FLT4: variants seen among roughly 807,000 people sequenced by gnomAD.
The protein encoded by FLT4 is fms related receptor tyrosine kinase 4, also known as vascular endothelial growth factor receptor 3.
Under a neutral mutation model 163.2 loss-of-function variants are expected in FLT4, and 30 were observed. That is an observed-to-expected ratio of 0.18 (90% CI 0.14 to 0.25). FLT4 has a LOEUF of 0.25. Among genes scored for constraint, FLT4 ranks in the 10% least tolerant of loss-of-function variants. The pLI is 1.00. For missense variants in FLT4, 1,510 were observed against 1,863.8 expected (o/e 0.81, Z 3.50); for synonymous variants, 884 against 789.5 (o/e 1.12, Z -2.01).
intron 1 of FLT4, among the ~76,000 whole-genome samples, chr5:180,632,681 TGTGA>T (rs1482105126): frequency 6.6e-6 from 1 of 152,084 alleles, no homozygotes; most frequent in Non-Finnish European, 1.5e-5. Flanking sequence ...GGCCTGGGTG[TGTGA>T]GTCTGTGTGT....
Position 180,629,904 on chromosome 5 carries a change from GACAGCCCCGTTACTGGGAACGGGGC to G in FLT4, c.676+14_676+38del, listed in dbSNP as rs761831222. The G allele has an allele frequency of 1.1e-5, 17 of 1,612,540 alleles. No homozygotes were observed. In the African/African-American group the frequency reaches 1.1e-4, roughly 10 times the overall value. ...CACCCACTGAGGCCAGTGAGGCAGT[GACAGCCCCGTTACTGGGAACGGGGC>G]ACAGCCCTGTTACCTGTGATGTGCA... On this transcript the variant is annotated intron_variant, in intron 5 of 29. Transcript: ENST00000261937.
rs775233990 is a variant in FLT4 at position 180,619,714 on chromosome 5, G to A, written c.2598C>T (p.Gly866=). 6.2e-6 allele frequency: 10 copies of A among 1,612,600 alleles called. No homozygotes were observed. Among genetic ancestry groups the A allele is most frequent in the Admixed American group, 5.0e-5 (3 of 60,010 alleles). The change falls in exon 18 of 30, where the codon GGC becomes GGT. Residue 866 remains glycine, a synonymous_variant. Coordinates refer to ENST00000261937, the MANE Select transcript of FLT4 (RefSeq NM_182925.5). Reference sequence around the variant, plus strand: ...TGTCACAGCTGCTGCCCTTGTGGATGCCGAAAGCGGAGGCTTCCACCACCT... The same window carrying A: ...TGTCACAGCTGCTGCCCTTGTGGATACCGAAAGCGGAGGCTTCCACCACCT... ...FGKVVEASAF[G]IHKGSSCDTV... is the part of the protein sequence containing the mutation.
chr5:180,629,681 C>T lies in FLT4; in HGVS notation c.816+15G>A, dbSNP rs113049298. On this transcript the variant is annotated intron_variant, in intron 6 of 29. Transcript: ENST00000261937. ...TCCTGGGGACAGGACAGCCTGGCAG[C>T]GCTGCTGACCTCACCTGCTTCCCTG... is the stretch of plus-strand genomic sequence containing the variant. The T allele has an allele frequency of 1.1e-5, 17 of 1,609,072 alleles. No individual in the cohort carries two copies. Among genetic ancestry groups the T allele is most frequent in the African/African-American group, 5.3e-5 (4 of 74,882 alleles).
chr5:180,612,197 G>A (rs1762258993), intron 26 of FLT4, among the ~76,000 whole-genome samples: 1 of 152,196 alleles, frequency 6.6e-6, no homozygotes, highest in African/African-American at 2.4e-5. Context: ...ACATCATGAC[G>A]ATGCCAGGGA....
intron 10 of FLT4, among the ~76,000 whole-genome samples, 153 bp downstream of exon 10, chr5:180,625,716 T>C (rs1442016204): frequency 6.6e-6 from 1 of 152,150 alleles, no homozygotes; most frequent in Non-Finnish European, 1.5e-5. Context: ...AGGGATTGGC[T>C]ATAGCTGAAG....
intron 27 of FLT4, among the ~76,000 whole-genome samples, chr5:180,611,060 A>T (rs971695798): frequency 1.1e-4 from 16 of 152,320 alleles, no homozygotes; most frequent in East Asian, 3.9e-4. Flanking sequence ...CCGTCTCAAA[A>T]AAATAAATAA....
At chr5:180,631,496 TGG>T (rs1561742746) in intron 2 of FLT4, among the ~76,000 whole-genome samples, 184 bp downstream of exon 2, 1 of 149,458 alleles carries the variant, frequency 6.7e-6, no homozygotes, top group South Asian at 2.1e-4. Context: ...GAAATGCTGA[TGG>T]GGGTGTGTGG....
chr5:180,604,324 T>C (rs1352640314), intron 29 of FLT4, among the ~76,000 whole-genome samples: 3 of 152,174 alleles, frequency 2.0e-5, no homozygotes, highest in Admixed American at 1.3e-4. Context: ...TGCTTCCTCC[T>C]TCCCCTCACT....
rs746612426 is a variant in FLT4 at position 180,613,016 on chromosome 5, G to T, written c.3426C>A (p.Pro1142=). ...TRMRAPELAT[P]AIRRIMLNCW... ...AGGGCCATGGGGAGGCTCACATGGC[G>T]GGAGTGGCCAGCTCCGGGGCCCTCA... Residue 1142 remains proline (P), a synonymous_variant, in exon 25 of 30, where the codon CCC becomes CCA. Coordinates refer to ENST00000261937, the MANE Select transcript of FLT4 (RefSeq NM_182925.5). 2 of 1,611,214 alleles carry T rather than the reference G, an allele frequency of 1.2e-6. No individual in the cohort carries two copies. Among genetic ancestry groups the T allele is most frequent in the Admixed American group, 1.7e-5 (1 of 59,844 alleles).
chr5:180,629,614 C>T, intron 6 of FLT4, 82 bp downstream of exon 6: 1 of 1,528,832 alleles, frequency 6.5e-7, no homozygotes, highest in Middle Eastern at 1.9e-4. Context: ...CCCACACATC[C>T]TCCACGCGGA....
At chr5:180,632,423 C>T (rs1179194799) in intron 1 of FLT4, among the ~76,000 whole-genome samples, 1 of 152,066 alleles carries the variant, frequency 6.6e-6, no homozygotes, top group Non-Finnish European at 1.5e-5. Context: ...TCTCCCTGCC[C>T]AGGCCTCCCT....
intron 23 of FLT4, 97 bp downstream of exon 23, chr5:180,616,270 C>T: frequency 6.5e-7 from 1 of 1,549,274 alleles, no homozygotes; most frequent in Non-Finnish European, 8.9e-7. Context: ...CTCACCTCAC[C>T]CTGTGCCAGC....
At chr5:180,634,288 C>A (rs544133217) in intron 1 of FLT4, among the ~76,000 whole-genome samples, 1 of 152,354 alleles carries the variant, frequency 6.6e-6, no homozygotes, top group East Asian at 1.9e-4. Flanking sequence ...CGAGCTTCTG[C>A]TAGAACACAA....
Position 180,619,102 on chromosome 5 carries a change from G to A in FLT4, c.2769C>T (p.Leu923=), listed in dbSNP as rs1049848097. ...ACTTGCAGAACTCCACGATCACCAT[G>A]AGGGGGCCTGCGGCGGGACCGGGCG... The part of the protein sequence containing the change: ...LGACTKPQGP[L]MVIVEFCKYG... The change falls in exon 20 of 30, where the codon CTC becomes CTT. Residue 923 remains leucine (L), a synonymous_variant. Coordinates refer to ENST00000261937, the MANE Select transcript of FLT4 (RefSeq NM_182925.5). The A allele has an allele frequency of 1.3e-6, 2 of 1,537,910 alleles. No individual in the cohort carries two copies. The highest frequency in any genetic ancestry group is 8.7e-7 in the Non-Finnish European group (1 of 1,144,172).
Position 180,629,993 on chromosome 5 carries a change from G to C in FLT4, c.626C>G (p.Thr209Ser), listed in dbSNP as rs142768219. 3 of 1,612,744 alleles carry C rather than the reference G, an allele frequency of 1.9e-6. No individual in the cohort carries two copies. The African/African-American group carries it at 4.0e-5, about 22-fold the overall frequency. ...HDALYLQCET[T>S]WGDQDFLSNP... Reference sequence around the variant, plus strand: ...GGAAAGGAAGTCCTGGTCTCCCCAGGTGGTCTCGCACTGCAGGTACAGGGC... The same window carrying C: ...GGAAAGGAAGTCCTGGTCTCCCCAGCTGGTCTCGCACTGCAGGTACAGGGC... Residue 209 changes from threonine (T) to serine (S), a missense_variant, in exon 5 of 30, where the codon ACC becomes AGC. Coordinates refer to ENST00000261937, the MANE Select transcript of FLT4 (RefSeq NM_182925.5).
At chr5:180,641,935 A>G (rs307807) in intron 1 of FLT4, among the ~76,000 whole-genome samples, 62,161 of 152,112 alleles carry the variant, frequency 0.41, 13,109 homozygotes, top group East Asian at 0.56. Flanking sequence ...TCGGCTGGGC[A>G]CAGTGGCTCA....
At chr5:180,640,338 G>C (rs944106051) in intron 1 of FLT4, among the ~76,000 whole-genome samples, 1 of 152,230 alleles carries the variant, frequency 6.6e-6, no homozygotes, top group Non-Finnish European at 1.5e-5. Context: ...GGCCACGTGG[G>C]AGCCCAGTCT....
intron 29 of FLT4, among the ~76,000 whole-genome samples, chr5:180,607,406 G>C (rs887889285): frequency 6.6e-6 from 1 of 152,086 alleles, no homozygotes; most frequent in African/African-American, 2.4e-5. Flanking sequence ...GGAGGCCGAG[G>C]GCGGGCGGAT....
intron 1 of FLT4, among the ~76,000 whole-genome samples, chr5:180,645,448 G>A (rs1236744699): frequency 6.6e-6 from 1 of 152,232 alleles, no homozygotes; most frequent in Non-Finnish European, 1.5e-5. Context: ...CTGGCGCAGA[G>A]GTGGCCCCCC....
Sources: gnomAD v4.1 joint callset for allele counts (sites outside exome capture counted in the v4.1 genomes callset) on GRCh38, gnomAD v4.1.1 for gene constraint, MANE v1.5 for transcripts, NCBI Gene and HGNC (gene_info 2026-07-23, HGNC 2026-07-21) for gene names.